The following ZNF236 variants were observed in gnomAD, a reference collection of about 807,000 sequenced individuals.
ZNF236 encodes the protein regulated by glucose.
Under a neutral mutation model 191.2 loss-of-function variants are expected in ZNF236, and 50 were observed. That is an observed-to-expected ratio of 0.26 (90% CI 0.21 to 0.33). The LOEUF is 0.33. Ranked by LOEUF, ZNF236 falls within the 10% of genes least tolerant of loss-of-function variation. The pLI is 1.00. For synonymous variants in ZNF236, 907 were observed against 928.8 expected, an observed-to-expected ratio of 0.98 and a Z score of 0.43; for missense variants, 1,754 against 2,374.5, an observed-to-expected ratio of 0.74 and a Z score of 5.43.
At chr18:76,926,729 A>ATGGTATAAAGGGTGATTAGACAGTG (rs1967695738) in intron 22 of ZNF236, among the ~76,000 whole-genome samples, 1 of 8,158 alleles carries the variant, frequency 1.2e-4, no homozygotes. Flanking sequence ...TGATTAGACC[A>ATGGTATAAAGGGTGATTAGACAGTG]TGTGTGTGTA....
At chr18:76,935,372 A>G (rs1967963673) in intron 25 of ZNF236, among the ~76,000 whole-genome samples, 1 of 152,210 alleles carries the variant, frequency 6.6e-6, no homozygotes, top group African/African-American at 2.4e-5. Flanking sequence ...ATTTTCATTG[A>G]ACTTTGTGTC....
chr18:76,901,347 A>G (rs935440163), intron 11 of ZNF236, among the ~76,000 whole-genome samples: 3 of 152,220 alleles, frequency 2.0e-5, no homozygotes, highest in Admixed American at 2.0e-4. Context: ...ATATTTGAAA[A>G]TTTTGATGAA....
At chr18:76,846,799 CT>C (rs558530091) in intron 1 of ZNF236, among the ~76,000 whole-genome samples, 1,525 of 143,258 alleles carry the variant, frequency 0.011, 11 homozygotes, top group Middle Eastern at 0.047. Context: ...CAACATTTTT[CT>C]TTTTTTTTTT....
chr18:76,966,193 C>A (rs560967967), intron 30 of ZNF236, among the ~76,000 whole-genome samples: 1 of 152,192 alleles, frequency 6.6e-6, no homozygotes, highest in Non-Finnish European at 1.5e-5. Context: ...TGTGAGCCTC[C>A]TCATGCTGCT....
chr18:76,834,333 G>GT (rs1975256001), intron 1 of ZNF236: 1 of 173,010 alleles, frequency 5.8e-6, no homozygotes, highest in African/African-American at 2.5e-5. Context: ...TATTCCACTA[G>GT]TTTCTTCTCT....
At chr18:76,856,076 A>G (rs1976032457) in intron 3 of ZNF236, among the ~76,000 whole-genome samples, 1 of 151,924 alleles carries the variant, frequency 6.6e-6, no homozygotes, top group Non-Finnish European at 1.5e-5. Flanking sequence ...AAAAATTATT[A>G]CTTAAAAAAA....
In ZNF236 at chr18:76,907,865, T is replaced by A. The variant is rs562943710; in HGVS notation, c.2298-455T>A. 2.0e-5 allele frequency among the ~76,000 whole-genome samples: 3 copies of A among 152,326 alleles called. No individual in the cohort carries two copies. In the South Asian group the frequency reaches 6.2e-4, roughly 32 times the overall value. On this transcript the variant is annotated intron_variant, in intron 13 of 30. Coordinates refer to ENST00000320610, the MANE Select transcript of ZNF236 (RefSeq NM_001306089.2). ...CCAATAAAGGGCCTGAGGCCCAGGC[T>A]GTGAGAGACAGTAGGTGATGAGGCT...
intron 26 of ZNF236, among the ~76,000 whole-genome samples, chr18:76,945,137 A>G (rs470216): frequency 0.48 from 73,712 of 152,020 alleles, 19,635 homozygotes; most frequent in Non-Finnish European, 0.59. Flanking sequence ...TAATTTTGCT[A>G]TTTCAAAACA....
At chr18:76,881,050 T>C (rs1212227100) in intron 8 of ZNF236, among the ~76,000 whole-genome samples, 2 of 152,206 alleles carry the variant, frequency 1.3e-5, no homozygotes, top group African/African-American at 4.8e-5. Flanking sequence ...TTCCCTTTAA[T>C]TTAGAAATGT....
chr18:76,931,909 G>T (rs1393404489), intron 25 of ZNF236, among the ~76,000 whole-genome samples: 1 of 152,140 alleles, frequency 6.6e-6, no homozygotes, highest in Non-Finnish European at 1.5e-5. Context: ...CTAATCTTCA[G>T]ATATGTTTGT....
chr18:76,919,905 C>T lies in ZNF236; in HGVS notation c.3404C>T (p.Thr1135Met), dbSNP rs1454027317. Reference sequence around the variant, plus strand: ...AAGATCCGGCCGCAGGAGAGCGCCACGGTGTCAGAGAAGGTCCTGGTGCAG... The same window carrying T: ...AAGATCCGGCCGCAGGAGAGCGCCATGGTGTCAGAGAAGGTCCTGGTGCAG... ...LAKIRPQESA[T>M]VSEKVLVQSA... The change falls in exon 20 of 31, where the codon ACG becomes ATG. Residue 1135 changes from threonine (T) to methionine (M), a missense_variant. Thr to Met is a moderately conservative substitution (Grantham distance 81, BLOSUM62 -1). This residue lies in a region of ZNF236 where 641 missense variants were observed against 869.6 expected (regional missense o/e 0.74). Transcript: ENST00000320610. This position sits in a 1 kb window ranked among gnomAD's most constrained non-coding sequence, Gnocchi z 5.3. 1 of 1,614,178 alleles carries T rather than the reference C, an allele frequency of 6.2e-7. No homozygotes were observed. Among genetic ancestry groups the T allele is most frequent in the Non-Finnish European group, 8.5e-7 (1 of 1,180,044 alleles).
intron 26 of ZNF236, 50 bp from the exon 27 acceptor site, chr18:76,947,471 C>T (rs776422499): frequency 1.3e-6 from 2 of 1,581,670 alleles, no homozygotes; most frequent in African/African-American, 1.4e-5. Context: ...TAAATTATTG[C>T]TTGTTTTGCT....
intron 1 of ZNF236, among the ~76,000 whole-genome samples, chr18:76,822,952 T>C (rs1974901990): frequency 7.0e-6 from 1 of 142,206 alleles, no homozygotes; most frequent in African/African-American, 2.5e-5. Flanking sequence ...GGCCGCCTCC[T>C]GCGCGCGCCC....
chr18:76,823,560 A>G (rs1048153236), intron 1 of ZNF236, among the ~76,000 whole-genome samples: 3 of 152,344 alleles, frequency 2.0e-5, no homozygotes, highest in African/African-American at 4.8e-5. Flanking sequence ...GGCGTCAGGA[A>G]GTGTTTTCCC....
At chr18:76,955,270 T>C (rs470133) in intron 27 of ZNF236, among the ~76,000 whole-genome samples, 75,265 of 151,666 alleles carry the variant, frequency 0.5, 20,531 homozygotes, top group Non-Finnish European at 0.61. Flanking sequence ...TAGCTGGGCA[T>C]GATGGTGAGG....
At chr18:76,911,536 T>C (rs1967217399) in intron 16 of ZNF236, among the ~76,000 whole-genome samples, 1 of 152,176 alleles carries the variant, frequency 6.6e-6, no homozygotes. Context: ...GTTGTTGTGG[T>C]TTATCTAAGT....
chr18:76,825,098 T>C (rs74468090), intron 1 of ZNF236, among the ~76,000 whole-genome samples: 2,208 of 152,348 alleles, frequency 0.014, 63 homozygotes, highest in African/African-American at 0.05. Context: ...ATGCAGTCTT[T>C]TGTGTTCCTT....
At position 76,849,583 on chromosome 18, in the gene ZNF236, T is replaced by G. The variant is rs779992970; in HGVS notation, c.113T>G (p.Phe38Cys). Residue 38 changes from phenylalanine to cysteine, a missense_variant, in exon 2 of 31, where the codon TTC becomes TGC. Physicochemically the swap from Phe to Cys is radical, Grantham distance 205. Transcript: ENST00000320610. ...NTNYAYQVPN[F>C]HKCEICLLSF... is the part of the protein sequence containing the mutation. ...AATTATGCCTATCAAGTTCCAAACT[T>G]CCATAAATGTGAAATCTGTCTACTA... 1.2e-6 allele frequency: 2 copies of G among 1,612,310 alleles called. No homozygotes were observed. The highest frequency in any genetic ancestry group is 2.2e-5 in the South Asian group (2 of 90,524).
At chr18:76,854,675 A>G (rs1353492077) in intron 3 of ZNF236, among the ~76,000 whole-genome samples, 1 of 151,820 alleles carries the variant, frequency 6.6e-6, no homozygotes, top group African/African-American at 2.4e-5. Context: ...TTATATTTTT[A>G]AATATTGTAA....
Sources: allele counts gnomAD v4.1 joint callset (sites outside exome capture counted in the v4.1 genomes callset), GRCh38; gene constraint gnomAD v4.1.1; regional missense constraint gnomAD v4.1.1; non-coding constraint Gnocchi (gnomAD v3.1); transcripts MANE v1.5; gene names NCBI Gene and HGNC (gene_info 2026-07-23, HGNC 2026-07-21).